The following EXOC5 variants were observed in gnomAD, a reference collection of about 807,000 sequenced individuals.
The protein encoded by EXOC5 is SEC10-like 1.
EXOC5 carries 17 observed loss-of-function variants against 90.8 expected under a neutral mutation model. The ratio of observed to expected loss-of-function variants is 0.19; its 90% CI spans 0.13 to 0.28. The LOEUF is 0.28. Ranked by LOEUF, EXOC5 falls within the 10% of genes least tolerant of loss-of-function variation. EXOC5 has a pLI of 1.00. For missense variants in EXOC5, 569 were observed against 830.6 expected, an observed-to-expected ratio of 0.69 and a Z score of 3.87; for synonymous variants, 260 against 270.0, an observed-to-expected ratio of 0.96 and a Z score of 0.36.
At chr14:57,238,667 G>A (rs2139645592) in intron 5 of EXOC5, among the ~76,000 whole-genome samples, 1 of 151,864 alleles carries the variant, frequency 6.6e-6, no homozygotes, top group Non-Finnish European at 1.5e-5. Context: ...AAGAATGATA[G>A]ATGATCATTA....
chr14:57,208,652 C>T lies in EXOC5; in HGVS notation c.2084G>A (p.Arg695His), dbSNP rs1213682501. 1.9e-6 allele frequency: 3 copies of T among 1,610,778 alleles called. No homozygotes were observed. Among genetic ancestry groups the T allele is most frequent in the East Asian group, 2.2e-5 (1 of 44,830 alleles). ...AAGGCGGGCAGATCTATAATCAGCA[C>T]GAAGTTGTACGAAGGAGTGAAGTAT... The part of the protein sequence containing the change: ...KNILHSFVQL[R>H]ADYRSARLAR... The change falls in exon 18 of 18, where the codon CGT becomes CAT. Residue 695 changes from arginine to histidine, a missense_variant. Arg to His is a conservative substitution (Grantham distance 29). This residue lies in a region of EXOC5 where 122 missense variants were observed against 180.0 expected (regional missense o/e 0.68). Coordinates refer to ENST00000621441, the MANE Select transcript of EXOC5 (RefSeq NM_006544.4).
At chr14:57,232,594 A>C (rs1308572225) in intron 10 of EXOC5, 73 bp downstream of exon 10, 1 of 641,820 alleles carries the variant, frequency 1.6e-6, no homozygotes, top group Non-Finnish European at 2.6e-6. Context: ...AAAATACCTG[A>C]ATACTTCCTT....
intron 15 of EXOC5, among the ~76,000 whole-genome samples, chr14:57,211,350 G>A (rs1882819642): frequency 6.6e-6 from 1 of 152,124 alleles, no homozygotes; most frequent in Admixed American, 6.5e-5. Context: ...CTTACTGATG[G>A]ACTCTAAATG....
intron 1 of EXOC5, among the ~76,000 whole-genome samples, chr14:57,262,567 T>C (rs1028227392): frequency 6.8e-6 from 1 of 147,638 alleles, no homozygotes; most frequent in Non-Finnish European, 1.5e-5. Flanking sequence ...TGTGTGTGTA[T>C]ATATATATAC....
At position 57,203,192 on chromosome 14, in the gene EXOC5, T is replaced by TG. The variant is rs1882553872; in HGVS notation, c.*5416_*5417insC. 1 of 152,224 alleles carries TG rather than the reference T, an allele frequency of 6.6e-6. No individual in the cohort carries two copies. Among genetic ancestry groups the TG allele is most frequent in the Non-Finnish European group, 1.5e-5 (1 of 68,054 alleles). 9.4% of individuals were successfully genotyped at this position (152,224 alleles called of 1,614,324 possible). ...CTTGAACTCCTAGCTTCAAGTGTTCTTCCCACCTCAGCCTCCCAAGTAGCT... is the reference window on the plus strand; with the variant it reads ...CTTGAACTCCTAGCTTCAAGTGTTCTGTCCCACCTCAGCCTCCCAAGTAGCT... On this transcript the variant is annotated 3_prime_UTR_variant, in exon 18 of 18. Transcript: ENST00000621441.
At chr14:57,247,478 T>C in intron 2 of EXOC5, 140 bp downstream of exon 2, 1 of 438,992 alleles carries the variant, frequency 2.3e-6, no homozygotes. Flanking sequence ...TTTAATGCTC[T>C]GTTGTATTGT....
Position 57,239,772 on chromosome 14 carries a change from TA to T in EXOC5, c.466-114del. 1.2e-5 allele frequency: 7 copies of T among 590,478 alleles called. No homozygotes were observed. In the South Asian group the frequency reaches 1.6e-4, roughly 14 times the overall value. The allele number at this position is 590,478 out of a possible 1,614,324, so 36.6% of individuals were successfully genotyped here. On this transcript the variant is annotated intron_variant, in intron 4 of 17. Coordinates refer to ENST00000621441, the MANE Select transcript of EXOC5 (RefSeq NM_006544.4). ...CTGCATGTGCCCACAGTCCCTTCCCTAAAAAAATTTCCTTTAAAAATCCACA... is the reference window on the plus strand; with the variant it reads ...CTGCATGTGCCCACAGTCCCTTCCCTAAAAAATTTCCTTTAAAAATCCACA...
intron 6 of EXOC5, among the ~76,000 whole-genome samples, chr14:57,236,921 G>C (rs1038856380): frequency 2.1e-5 from 3 of 146,070 alleles, no homozygotes; most frequent in Non-Finnish European, 3.0e-5. Context: ...AAAAAAAAAA[G>C]AGAGAATCTT....
intron 3 of EXOC5, among the ~76,000 whole-genome samples, chr14:57,246,027 G>A (rs1278406160): frequency 2.0e-5 from 3 of 151,920 alleles, no homozygotes; most frequent in Non-Finnish European, 4.4e-5. Flanking sequence ...TCCAGCCTGG[G>A]CGACAGAGTA....
At chr14:57,234,647 C>G (rs2139639724) in intron 7 of EXOC5, among the ~76,000 whole-genome samples, 1 of 150,786 alleles carries the variant, frequency 6.6e-6, no homozygotes, top group African/African-American at 2.4e-5. Flanking sequence ...CTAACTACAA[C>G]CTCTGCCTCC....
chr14:57,205,004 T>C lies in EXOC5; in HGVS notation c.*3605A>G, dbSNP rs1185068070. ...GTGAGAAAAGATTTAGGTTTCAATC[T>C]GAGCATTTTACTAGCTGTAGACCTT... On this transcript the variant is annotated 3_prime_UTR_variant, in exon 18 of 18. Transcript: ENST00000621441. 6.6e-6 allele frequency: 1 copy of C among 151,996 alleles called. No individual in the cohort carries two copies. Among genetic ancestry groups the C allele is most frequent in the Non-Finnish European group, 1.5e-5 (1 of 67,870 alleles). The allele number at this position is 151,996 out of a possible 1,614,324, so 9.4% of individuals were successfully genotyped here.
intron 15 of EXOC5, among the ~76,000 whole-genome samples, chr14:57,213,414 T>C (rs940691341): frequency 6.6e-6 from 1 of 151,628 alleles, no homozygotes; most frequent in Non-Finnish European, 1.5e-5. Flanking sequence ...TATATATTTA[T>C]TTATTTTTTT....
chr14:57,234,443 CATAT>C (rs1009783038), intron 7 of EXOC5, among the ~76,000 whole-genome samples: 2 of 146,372 alleles, frequency 1.4e-5, no homozygotes, highest in Non-Finnish European at 3.0e-5. Flanking sequence ...AAAGGTTTTA[CATAT>C]ATATATGTAT....
rs146288079 is a variant in EXOC5 at position 57,229,992 on chromosome 14, G to C, written c.1149-111C>G. 9.7e-4 allele frequency: 492 copies of C among 508,890 alleles called. 5 individuals carry two copies. The highest frequency in any genetic ancestry group is 8.6e-3 in the African/African-American group (447 of 51,712). 31.5% of individuals were successfully genotyped at this position (508,890 alleles called of 1,614,324 possible). On this transcript the variant is annotated intron_variant, in intron 11 of 17. Coordinates refer to ENST00000621441, the MANE Select transcript of EXOC5 (RefSeq NM_006544.4). ...ACAACAAAAATGGACCAATAGCCAA[G>C]AGACCTAATTTCTAATTCCAATAAC...
rs961773148 is a variant in EXOC5 at position 57,268,726 on chromosome 14, A to AG, written c.-79dup. The stretch of plus-strand genomic sequence containing the variant: ...GCTGCGCCTCAGAGGCGCGGCGCAC[A>AG]GGTCTCCGCTCGGCTCGCCAGCTCC... On this transcript the variant is annotated 5_prime_UTR_variant, in exon 1 of 18. The change abolishes the stop of an existing upstream ORF in the 5' untranslated region. Coordinates refer to ENST00000621441, the MANE Select transcript of EXOC5 (RefSeq NM_006544.4). 2 of 1,521,610 alleles carry AG rather than the reference A, an allele frequency of 1.3e-6. No individual in the cohort carries two copies. The highest frequency in any genetic ancestry group is 2.8e-5 in the African/African-American group (2 of 71,752). 94.3% of individuals were successfully genotyped at this position (1,521,610 alleles called of 1,614,324 possible). A position where few individuals can be genotyped will look rare whatever the true frequency, so the allele number is the denominator to read the frequency against.
chr14:57,233,551 T>C (rs972729972), intron 9 of EXOC5, among the ~76,000 whole-genome samples, 192 bp downstream of exon 9: 3 of 152,148 alleles, frequency 2.0e-5, no homozygotes, highest in South Asian at 2.1e-4. Flanking sequence ...ATGATACTTA[T>C]TGATTAGCAC....
intron 12 of EXOC5, among the ~76,000 whole-genome samples, chr14:57,227,101 A>T (rs1254691601): frequency 1.3e-5 from 2 of 152,200 alleles, no homozygotes; most frequent in Non-Finnish European, 2.9e-5. Flanking sequence ...TGCTCCAAAA[A>T]TAAAACACAC....
intron 1 of EXOC5, among the ~76,000 whole-genome samples, chr14:57,267,780 G>A (rs566999302): frequency 6.6e-6 from 1 of 152,110 alleles, no homozygotes; most frequent in South Asian, 2.1e-4. Flanking sequence ...TACTGTAAAC[G>A]CTCGAGGAAA....
chr14:57,235,396 C>G (rs1034463598), intron 7 of EXOC5, among the ~76,000 whole-genome samples: 3 of 151,918 alleles, frequency 2.0e-5, no homozygotes. Flanking sequence ...TTTCTTTTCA[C>G]CTATATTATA....
Sources: gnomAD v4.1 joint callset for allele counts (sites outside exome capture counted in the v4.1 genomes callset) on GRCh38, gnomAD v4.1.1 for gene constraint, gnomAD v4.1.1 regional missense constraint, MANE v1.5 for transcripts, NCBI Gene and HGNC (gene_info 2026-07-23, HGNC 2026-07-21) for gene names.